KCNN2: variants seen among roughly 807,000 people sequenced by gnomAD.
KCNN2 encodes potassium calcium-activated channel subfamily N member 2.
KCNN2 carries 24 observed loss-of-function variants against 55.5 expected under a neutral mutation model. That is an observed-to-expected ratio of 0.43 (90% confidence interval 0.31 to 0.61). The LOEUF is 0.61. KCNN2 is among the 20% of genes least tolerant of loss of function. The probability of loss-of-function intolerance (pLI) is 0.08; values close to 1 mark genes in which losing one functional copy is unlikely to be tolerated. For synonymous variants in KCNN2, 431 were observed against 336.1 expected (o/e 1.28, Z -3.09); for missense variants, 754 against 853.6 (o/e 0.88, Z 1.45).
At chr5:114,161,706 T>C (rs968185058) in intron 1 of KCNN2, among the ~76,000 whole-genome samples, 25 of 152,222 alleles carry the variant, frequency 1.6e-4, no homozygotes, top group African/African-American at 6.0e-4. Flanking sequence ...AATTTCTCCA[T>C]ATTCTTTTTT....
intron 3 of KCNN2, among the ~76,000 whole-genome samples, chr5:114,459,311 T>G (rs1761083286): frequency 6.6e-6 from 1 of 152,232 alleles, no homozygotes; most frequent in Non-Finnish European, 1.5e-5. Flanking sequence ...TCAGCATTCA[T>G]GTTGATCAAA....
intron 3 of KCNN2, among the ~76,000 whole-genome samples, chr5:114,410,283 A>G (rs1759090735): frequency 6.6e-6 from 1 of 152,212 alleles, no homozygotes; most frequent in African/African-American, 2.4e-5. Flanking sequence ...TAGCGTACGT[A>G]GGCAGCTATT....
At chr5:114,216,463 G>A (rs1364157652) in intron 1 of KCNN2, among the ~76,000 whole-genome samples, 1 of 152,134 alleles carries the variant, frequency 6.6e-6, no homozygotes, top group Admixed American at 6.5e-5. Flanking sequence ...ATCTCACAAT[G>A]TTGTCATTGG....
chr5:114,240,274 G>A (rs181111371), intron 2 of KCNN2, among the ~76,000 whole-genome samples: 3 of 151,986 alleles, frequency 2.0e-5, no homozygotes, highest in East Asian at 1.9e-4. Flanking sequence ...ATTGTAAGAT[G>A]TTAGACAAGA....
intron 1 of KCNN2, among the ~76,000 whole-genome samples, chr5:114,111,133 T>C (rs1016285708): frequency 6.6e-6 from 1 of 152,062 alleles, no homozygotes. Context: ...AAAACAGATA[T>C]ATAGACCAAT....
chr5:114,320,352 G>T (rs555488499), intron 2 of KCNN2, among the ~76,000 whole-genome samples: 1 of 152,104 alleles, frequency 6.6e-6, no homozygotes, highest in East Asian at 1.9e-4. Context: ...TGTGCCTCAC[G>T]CCTGTAATCC....
chr5:114,277,833 A>G (rs1269213239), intron 2 of KCNN2, among the ~76,000 whole-genome samples: 4 of 152,108 alleles, frequency 2.6e-5, no homozygotes, highest in African/African-American at 7.2e-5. Context: ...CTGAAGTCCA[A>G]TTCTGTCAAC....
At chr5:114,263,974 T>C (rs1755160810) in intron 2 of KCNN2, among the ~76,000 whole-genome samples, 1 of 152,194 alleles carries the variant, frequency 6.6e-6, no homozygotes, top group Non-Finnish European at 1.5e-5. Context: ...AGCTTCTTTC[T>C]CAAGGGCATA....
At chr5:114,201,358 A>G (rs1272394390) in intron 1 of KCNN2, among the ~76,000 whole-genome samples, 3 of 152,124 alleles carry the variant, frequency 2.0e-5, no homozygotes, top group Admixed American at 6.5e-5. Flanking sequence ...CATCTCAAAC[A>G]TGGTCCAAGA....
chr5:114,470,746 T>A (rs576664979), intron 4 of KCNN2, among the ~76,000 whole-genome samples: 3 of 152,190 alleles, frequency 2.0e-5, no homozygotes, highest in Non-Finnish European at 4.4e-5. Context: ...ATGACTCTTA[T>A]AAGAATTTTG....
chr5:114,148,749 G>C (rs10078819), intron 1 of KCNN2, among the ~76,000 whole-genome samples: 14,080 of 152,152 alleles, frequency 0.093, 824 homozygotes, highest in Non-Finnish European at 0.12. Context: ...AAGATAGGAG[G>C]TGGAGGGAGG....
At chr5:114,453,295 C>T (rs141112904) in intron 3 of KCNN2, among the ~76,000 whole-genome samples, 1 of 152,280 alleles carries the variant, frequency 6.6e-6, no homozygotes, top group African/African-American at 2.4e-5. Flanking sequence ...CATCCCTCCC[C>T]TGTACAAAAC....
chr5:114,374,863 A>T (rs1757886017), intron 2 of KCNN2, among the ~76,000 whole-genome samples: 1 of 152,168 alleles, frequency 6.6e-6, no homozygotes, highest in South Asian at 2.1e-4. Flanking sequence ...CTGATTATGT[A>T]GCTATCCGTA....
chr5:114,090,416 CA>C (rs2112553986), intron 1 of KCNN2, among the ~76,000 whole-genome samples: 1 of 152,164 alleles, frequency 6.6e-6, no homozygotes, highest in Non-Finnish European at 1.5e-5. Flanking sequence ...AGAGAACAGA[CA>C]TAAATAATCA....
chr5:114,475,136 A>G (rs771964742), intron 5 of KCNN2, among the ~76,000 whole-genome samples: 13 of 152,186 alleles, frequency 8.5e-5, no homozygotes, highest in Non-Finnish European at 1.9e-4. Context: ...TCACACTGCC[A>G]TCTACCACCT....
intron 2 of KCNN2, among the ~76,000 whole-genome samples, chr5:114,338,658 A>G (rs899201570): frequency 6.6e-6 from 1 of 152,244 alleles, no homozygotes; most frequent in Admixed American, 6.5e-5. Flanking sequence ...AGAAATGGAT[A>G]TAATCCATGA....
intron 2 of KCNN2, among the ~76,000 whole-genome samples, chr5:114,226,074 A>T (rs1359591221): frequency 3.3e-5 from 5 of 152,126 alleles, no homozygotes; most frequent in Non-Finnish European, 7.4e-5. Flanking sequence ...TTAGAAGAAG[A>T]GCAGAGTGGG....
At chr5:114,059,312 A>G (rs1750276828) in intron 1 of KCNN2, among the ~76,000 whole-genome samples, 1 of 152,342 alleles carries the variant, frequency 6.6e-6, no homozygotes, top group African/African-American at 2.4e-5. Flanking sequence ...TGGACATATC[A>G]TATTATTTTT....
chr5:114,268,620 G>A (rs1755257018), intron 2 of KCNN2, among the ~76,000 whole-genome samples: 1 of 152,136 alleles, frequency 6.6e-6, no homozygotes, highest in African/African-American at 2.4e-5. Context: ...TGCCTCCTGG[G>A]GAGATGGAGA....
Sources: allele counts gnomAD v4.1 joint callset (sites outside exome capture counted in the v4.1 genomes callset), GRCh38; gene constraint gnomAD v4.1.1; transcripts MANE v1.5; gene names NCBI Gene and HGNC (gene_info 2026-07-23, HGNC 2026-07-21).